The following PDE4D variants were observed in gnomAD, a reference collection of about 807,000 sequenced individuals.
PDE4D encodes the protein phosphodiesterase 4D.
Under a neutral mutation model 87.4 loss-of-function variants are expected in PDE4D, and 24 were observed. That is an observed-to-expected ratio of 0.27 (90% CI 0.20 to 0.39). The LOEUF (loss-of-function observed/expected upper bound fraction) is 0.39, where lower values mean the gene tolerates loss of function less well. PDE4D is among the 10% of genes least tolerant of loss of function. The probability of loss-of-function intolerance (pLI) is 1.00; values close to 1 mark genes in which losing one functional copy is unlikely to be tolerated. For synonymous variants in PDE4D, 384 were observed against 383.2 expected (o/e 1.00, Z -0.02); for missense variants, 714 against 1,041.0 (o/e 0.69, Z 4.32).
intron 1 of PDE4D, among the ~76,000 whole-genome samples, chr5:59,230,693 T>G (rs1754979226): frequency 6.6e-6 from 1 of 152,218 alleles, no homozygotes; most frequent in Non-Finnish European, 1.5e-5. Context: ...ACCATGTTTT[T>G]CCTCTGGGTT....
chr5:60,303,377 C>T (rs1754110697), intron 1 of PDE4D, among the ~76,000 whole-genome samples: 1 of 146,930 alleles, frequency 6.8e-6, no homozygotes, highest in Non-Finnish European at 1.5e-5. Context: ...GGCGCGATCT[C>T]GGCTCACTGC....
intron 1 of PDE4D, among the ~76,000 whole-genome samples, chr5:59,277,467 A>T (rs1765042088): frequency 6.6e-6 from 1 of 152,098 alleles, no homozygotes; most frequent in Non-Finnish European, 1.5e-5. Context: ...TTGTGAGACT[A>T]ATTATTTTTA....
intron 1 of PDE4D, among the ~76,000 whole-genome samples, chr5:59,269,240 C>G (rs1202138615): frequency 1.3e-5 from 2 of 152,088 alleles, no homozygotes; most frequent in African/African-American, 4.8e-5. Flanking sequence ...GAATTTCATA[C>G]CAATTCAGCA....
At chr5:59,382,881 T>C (rs1786174240) in intron 1 of PDE4D, among the ~76,000 whole-genome samples, 1 of 152,236 alleles carries the variant, frequency 6.6e-6, no homozygotes, top group South Asian at 2.1e-4. Flanking sequence ...TGTAATTCAA[T>C]TATTCTAAGC....
intron 5 of PDE4D, among the ~76,000 whole-genome samples, chr5:59,164,772 C>T (rs1971940): frequency 0.61 from 92,998 of 151,870 alleles, 28,875 homozygotes; most frequent in Non-Finnish European, 0.68. Context: ...ACTTGTTAAA[C>T]GTTGGGTAAG....
intron 1 of PDE4D, among the ~76,000 whole-genome samples, chr5:59,807,420 C>A (rs778839302): frequency 2.6e-5 from 4 of 152,280 alleles, no homozygotes. Flanking sequence ...TGTGCACAAC[C>A]CTATGCCTGG....
chr5:60,391,349 C>T (rs1020127792), intron 1 of PDE4D, among the ~76,000 whole-genome samples: 1 of 152,116 alleles, frequency 6.6e-6, no homozygotes, highest in Non-Finnish European at 1.5e-5. Flanking sequence ...CCTACTGCTA[C>T]TTTAACAAAT....
intron 2 of PDE4D, among the ~76,000 whole-genome samples, chr5:60,152,515 T>C (rs1321594578): frequency 6.6e-6 from 1 of 151,998 alleles, no homozygotes; most frequent in African/African-American, 2.4e-5. Flanking sequence ...TAGCCTGGCG[T>C]GGTGGCAGGC....
chr5:60,402,140 C>A (rs1741148294), intron 1 of PDE4D, among the ~76,000 whole-genome samples: 1 of 152,132 alleles, frequency 6.6e-6, no homozygotes, highest in South Asian at 2.1e-4. Flanking sequence ...TTTCTTTGTT[C>A]CAGCAATGCC....
intron 1 of PDE4D, among the ~76,000 whole-genome samples, chr5:59,321,429 A>G (rs992801377): frequency 7.9e-5 from 12 of 152,122 alleles, no homozygotes; most frequent in Non-Finnish European, 1.8e-4. Context: ...TCTCAGCAGA[A>G]TTTAATTTGT....
At chr5:59,182,918 T>C (rs1469521937) in intron 4 of PDE4D, among the ~76,000 whole-genome samples, 1 of 152,182 alleles carries the variant, frequency 6.6e-6, no homozygotes, top group Non-Finnish European at 1.5e-5. Flanking sequence ...GGGGCTGGGT[T>C]TGGAATGCAT....
intron 1 of PDE4D, among the ~76,000 whole-genome samples, chr5:60,413,554 T>C (rs1292761097): frequency 6.6e-6 from 1 of 152,170 alleles, no homozygotes; most frequent in Admixed American, 6.5e-5. Context: ...TAAAAGGGCA[T>C]AAGGTACTTT....
At chr5:59,719,488 T>C (rs1755522705) in intron 1 of PDE4D, among the ~76,000 whole-genome samples, 1 of 152,186 alleles carries the variant, frequency 6.6e-6, no homozygotes, top group Non-Finnish European at 1.5e-5. Flanking sequence ...ATTACGGGTT[T>C]ATATAATTTA....
At chr5:59,975,216 T>C (rs1294051568) in intron 3 of PDE4D, among the ~76,000 whole-genome samples, 1 of 152,210 alleles carries the variant, frequency 6.6e-6, no homozygotes, top group Non-Finnish European at 1.5e-5. Context: ...TGAATCCTGC[T>C]GCAGTCCTGG....
chr5:60,194,302 C>G (rs1466080171), intron 1 of PDE4D, among the ~76,000 whole-genome samples: 2 of 151,694 alleles, frequency 1.3e-5, no homozygotes, highest in East Asian at 3.9e-4. Flanking sequence ...AATTATCTGA[C>G]TAGAACTCTC....
Position 60,237,121 on chromosome 5 carries a change from T to A in PDE4D, c.-89-51434A>T, listed in dbSNP as rs77635322. On this transcript the variant is annotated intron_variant, in intron 1 of 16. Coordinates refer to the PDE4D transcript ENST00000502484. ...GCTTACAAAGATGGAGAGAACTGGA[T>A]CTCTCACATGTCATTAAGGGAACAA... 8.7e-3 allele frequency among the ~76,000 whole-genome samples: 1,319 copies of A among 151,996 alleles called. 22 individuals carry two copies. Among genetic ancestry groups the A allele is most frequent in the African/African-American group, 0.031 (1,277 of 41,500 alleles).
At chr5:60,080,963 C>T (rs1477977476) in intron 2 of PDE4D, among the ~76,000 whole-genome samples, 1 of 152,084 alleles carries the variant, frequency 6.6e-6, no homozygotes, top group Non-Finnish European at 1.5e-5. Flanking sequence ...GGTACCAGTT[C>T]CTCTTTGTAT....
intron 5 of PDE4D, among the ~76,000 whole-genome samples, chr5:59,070,736 A>G (rs10078108): frequency 0.045 from 6,919 of 152,164 alleles, 535 homozygotes; most frequent in African/African-American, 0.16. Context: ...TTAGATGTCC[A>G]TATATACTTA....
In PDE4D at chr5:59,131,597, AACACACACACACACACACAC is replaced by A. The variant is rs34161581; in HGVS notation, c.808+48978_808+48997del. On this transcript the variant is annotated intron_variant, in intron 5 of 14. Coordinates refer to ENST00000340635, the MANE Select transcript of PDE4D (RefSeq NM_001104631.2). The stretch of plus-strand genomic sequence containing the variant: ...TAAAGAAATAATAAGGCCAATTTAA[AACACACACACACACACACAC>A]ACACACACACACACACACACACACA... 3.0e-4 allele frequency among the ~76,000 whole-genome samples: 35 copies of A among 118,186 alleles called. 1 individual carries two copies. The highest frequency in any genetic ancestry group is 9.6e-4 in the Admixed American group (12 of 12,486). 77.5% of individuals were successfully genotyped at this position (118,186 alleles called of 152,430 possible).
Sources: allele counts gnomAD v4.1 joint callset (sites outside exome capture counted in the v4.1 genomes callset), GRCh38; gene constraint gnomAD v4.1.1; transcripts MANE v1.5; gene names NCBI Gene and HGNC (gene_info 2026-07-23, HGNC 2026-07-21).